Variants in SLC25A21 observed in about 807,000 individuals in gnomAD.
SLC25A21 encodes mitochondrial 2-oxodicarboxylate carrier.
Under a neutral mutation model 43.8 loss-of-function variants are expected in SLC25A21, and 47 were observed. The ratio of observed to expected loss-of-function variants is 1.07; its 90% CI spans 0.85 to 1.37. SLC25A21 has a LOEUF of 1.37. Among genes scored for constraint, SLC25A21 ranks in the 40% most tolerant of loss-of-function variants. The pLI, the probability that SLC25A21 is intolerant of heterozygous loss-of-function variation, is 0.00. For missense variants in SLC25A21, 352 were observed against 350.2 expected (o/e 1.00, Z -0.04); for synonymous variants, 131 against 121.3 (o/e 1.08, Z -0.52).
intron 1 of SLC25A21, among the ~76,000 whole-genome samples, chr14:36,905,035 T>A (rs1238960273): frequency 2.0e-5 from 3 of 152,196 alleles, no homozygotes; most frequent in African/African-American, 7.2e-5. Context: ...AATTGTTAAA[T>A]TCTAGGCCAA....
intron 1 of SLC25A21, among the ~76,000 whole-genome samples, chr14:37,017,721 A>C (rs117686586): frequency 0.015 from 2,230 of 152,138 alleles, 31 homozygotes; most frequent in Non-Finnish European, 0.019. Context: ...ATCACTTATT[A>C]TTATTATTAT....
intron 1 of SLC25A21, among the ~76,000 whole-genome samples, chr14:36,893,491 G>A (rs1171726626): frequency 3.3e-5 from 5 of 152,142 alleles, no homozygotes; most frequent in Non-Finnish European, 7.3e-5. Flanking sequence ...CATTCTGTAG[G>A]TTGCCTGTTC....
intron 1 of SLC25A21, among the ~76,000 whole-genome samples, chr14:37,143,891 C>G (rs986829058): frequency 6.6e-6 from 1 of 152,196 alleles, no homozygotes; most frequent in Non-Finnish European, 1.5e-5. Flanking sequence ...TTGGAAACAT[C>G]TAACACATTA....
At position 36,997,685 on chromosome 14, in the gene SLC25A21, C is replaced by T. The variant is rs186933301; in HGVS notation, c.71-122681G>A. Among the ~76,000 whole-genome samples, 11 of 151,906 alleles carry T rather than the reference C, an allele frequency of 7.2e-5. No individual in the cohort carries two copies. The East Asian group carries it at 1.6e-3, about 21-fold the overall frequency. ...CTCTACAAAAAATACAAAAATTAGC[C>T]GGGCATAGTGGCAGGTGCCTGTAAT... On this transcript the variant is annotated intron_variant, in intron 1 of 9. Coordinates refer to ENST00000331299, the MANE Select transcript of SLC25A21 (RefSeq NM_030631.4).
At chr14:36,707,587 G>A (rs1379652540) in intron 7 of SLC25A21, among the ~76,000 whole-genome samples, 1 of 152,064 alleles carries the variant, frequency 6.6e-6, no homozygotes, top group African/African-American at 2.4e-5. Flanking sequence ...GTATAATCTG[G>A]GCATGGGAAG....
At chr14:37,143,250 C>A (rs572304004) in intron 1 of SLC25A21, among the ~76,000 whole-genome samples, 1 of 152,164 alleles carries the variant, frequency 6.6e-6, no homozygotes, top group African/African-American at 2.4e-5. Flanking sequence ...AACCAGCTTA[C>A]GAAAGCAAAA....
At position 36,680,267 on chromosome 14, in the gene SLC25A21, T is replaced by C. The variant is rs1882165394; in HGVS notation, c.*391A>G. 1.0e-6 allele frequency: 1 copy of C among 960,610 alleles called. No individual in the cohort carries two copies. Among genetic ancestry groups the C allele is most frequent in the Non-Finnish European group, 1.2e-6 (1 of 809,644 alleles). The allele number at this position is 960,610 out of a possible 1,614,324, so 59.5% of individuals were successfully genotyped here. On this transcript the variant is annotated 3_prime_UTR_variant, in exon 10 of 10. Transcript: ENST00000331299. Reference sequence around the variant, plus strand: ...TCCAGTCTTTGAATAATTTGATTTATTTTCAATAGTTTAAGCATTTCTAGA... The same window carrying C: ...TCCAGTCTTTGAATAATTTGATTTACTTTCAATAGTTTAAGCATTTCTAGA...
At chr14:36,895,926 C>A (rs1257254965) in intron 1 of SLC25A21, among the ~76,000 whole-genome samples, 2 of 152,122 alleles carry the variant, frequency 1.3e-5, no homozygotes, top group Non-Finnish European at 1.5e-5. Context: ...AATTTCTGTT[C>A]TTTTACATTT....
intron 2 of SLC25A21, among the ~76,000 whole-genome samples, chr14:36,839,828 T>G (rs1419416140): frequency 1.3e-5 from 2 of 152,258 alleles, no homozygotes; most frequent in Non-Finnish European, 2.9e-5. Flanking sequence ...CTATTCAGCA[T>G]GTTACTGCTG....
intron 3 of SLC25A21, among the ~76,000 whole-genome samples, chr14:36,764,178 AAG>A (rs1230833526): frequency 1.3e-5 from 1 of 78,234 alleles, no homozygotes; most frequent in Admixed American, 1.6e-4. Context: ...GAAAGAAAGA[AAG>A]AAAGAAAGAA....
chr14:36,906,872 C>T (rs1258994549), intron 1 of SLC25A21, among the ~76,000 whole-genome samples: 1 of 152,086 alleles, frequency 6.6e-6, no homozygotes, highest in Non-Finnish European at 1.5e-5. Flanking sequence ...CTTAAAAATG[C>T]ATCTCCAGCA....
chr14:37,097,391 C>T (rs1962719718), intron 1 of SLC25A21, among the ~76,000 whole-genome samples: 1 of 152,086 alleles, frequency 6.6e-6, no homozygotes. Flanking sequence ...TGAGCCACCG[C>T]ACTCGGCCAA....
chr14:37,128,534 C>CTGTG lies in SLC25A21; in HGVS notation c.70+43746_70+43747insCACA, dbSNP rs1307864585. On this transcript the variant is annotated intron_variant, in intron 1 of 9. Transcript: ENST00000331299. Reference sequence around the variant, plus strand: ...CATTACTTTCTGTCTCTCTCTCTCTCTCTCTGTGTGTGTGTGTGTGTGTGT... The same window carrying CTGTG: ...CATTACTTTCTGTCTCTCTCTCTCTCTGTGTCTCTGTGTGTGTGTGTGTGTGTGT... Among the ~76,000 whole-genome samples, 28 of 98,020 alleles carry CTGTG rather than the reference C, an allele frequency of 2.9e-4. 1 individual carries two copies. The highest frequency in any genetic ancestry group is 2.4e-3 in the East Asian group (6 of 2,532). The allele number at this position is 98,020 out of a possible 152,430, so 64.3% of individuals were successfully genotyped here. A position where few individuals can be genotyped will look rare whatever the true frequency, so the allele number is the denominator to read the frequency against.
chr14:36,691,861 TATAAC>T (rs1464383358), intron 7 of SLC25A21, among the ~76,000 whole-genome samples: 10 of 152,358 alleles, frequency 6.6e-5, no homozygotes, highest in African/African-American at 1.2e-4. Flanking sequence ...AATCATGTGA[TATAAC>T]TAAACTGGAG....
At chr14:36,699,142 C>T (rs1320352063) in intron 7 of SLC25A21, among the ~76,000 whole-genome samples, 2 of 148,922 alleles carry the variant, frequency 1.3e-5, no homozygotes, top group African/African-American at 5.0e-5. Context: ...AATTTGGATG[C>T]TATTCCTTTC....
chr14:36,725,520 TAAA>T (rs1884562545), intron 6 of SLC25A21, 47 bp downstream of exon 6: 3 of 702,926 alleles, frequency 4.3e-6, no homozygotes, highest in East Asian at 8.4e-5. Context: ...AATAAATAAA[TAAA>T]TAAATTTTTA....
At chr14:37,034,467 T>C (rs1027612392) in intron 1 of SLC25A21, among the ~76,000 whole-genome samples, 1 of 152,222 alleles carries the variant, frequency 6.6e-6, no homozygotes, top group Non-Finnish European at 1.5e-5. Context: ...GGATCCACTT[T>C]TGTACTTTGT....
chr14:37,018,791 C>T (rs1423965006), intron 1 of SLC25A21, among the ~76,000 whole-genome samples: 1 of 151,972 alleles, frequency 6.6e-6, no homozygotes, highest in African/African-American at 2.4e-5. Flanking sequence ...CACTTCTTGG[C>T]TTACACCACC....
At chr14:37,145,159 G>A (rs1326270664) in intron 1 of SLC25A21, among the ~76,000 whole-genome samples, 1 of 152,118 alleles carries the variant, frequency 6.6e-6, no homozygotes, top group African/African-American at 2.4e-5. Flanking sequence ...GAGATGTTAA[G>A]CTGCCTGCCC....
Sources: gnomAD v4.1 joint callset for allele counts (sites outside exome capture counted in the v4.1 genomes callset) on GRCh38, gnomAD v4.1.1 for gene constraint, MANE v1.5 for transcripts, NCBI Gene and HGNC (gene_info 2026-07-23, HGNC 2026-07-21) for gene names.